ZDHHC13: variants seen among roughly 807,000 people sequenced by gnomAD.
The protein encoded by ZDHHC13 is palmitoyltransferase ZDHHC13.
In ZDHHC13, 85 loss-of-function variants were observed where a neutral mutation model predicts 86.0. The observed-to-expected ratio is 0.99, with a 90% CI of 0.83 to 1.18. The LOEUF (loss-of-function observed/expected upper bound fraction) is 1.18. Ranked by LOEUF, ZDHHC13 falls within the 50% of genes most tolerant of loss-of-function variation. The pLI is 0.00. For synonymous variants in ZDHHC13, 263 were observed against 246.4 expected (o/e 1.07, Z -0.63); for missense variants, 711 against 730.2 (o/e 0.97, Z 0.30).
chr11:19,156,774 A>C (rs992702288), intron 9 of ZDHHC13, among the ~76,000 whole-genome samples: 3 of 152,122 alleles, frequency 2.0e-5, no homozygotes, highest in African/African-American at 7.2e-5. Flanking sequence ...TCCTAGACCA[A>C]GTCTCCTCAC....
intron 15 of ZDHHC13, among the ~76,000 whole-genome samples, 168 bp from the exon 16 acceptor site, chr11:19,172,555 G>T (rs577949633): frequency 6.6e-6 from 1 of 152,184 alleles, no homozygotes; most frequent in South Asian, 2.1e-4. Flanking sequence ...CATGTTTTTG[G>T]AATTAAATGT....
chr11:19,172,334 G>A (rs1850246272), intron 15 of ZDHHC13, among the ~76,000 whole-genome samples: 2 of 152,152 alleles, frequency 1.3e-5, no homozygotes, highest in Admixed American at 1.3e-4. Context: ...GCCTGCCAAA[G>A]TGCTGGGATT....
intron 3 of ZDHHC13, among the ~76,000 whole-genome samples, chr11:19,146,865 T>TA (rs1242007630): frequency 1.3e-5 from 2 of 152,178 alleles, no homozygotes; most frequent in African/African-American, 4.8e-5. Flanking sequence ...ATTAGATATT[T>TA]AAAATCCTCA....
At chr11:19,125,424 A>T (rs1848852319) in intron 1 of ZDHHC13, among the ~76,000 whole-genome samples, 1 of 152,210 alleles carries the variant, frequency 6.6e-6, no homozygotes, top group South Asian at 2.1e-4. Flanking sequence ...GACCATGATG[A>T]GATGCCCCTA....
intron 1 of ZDHHC13, among the ~76,000 whole-genome samples, chr11:19,139,270 A>G (rs1181623207): frequency 6.6e-6 from 1 of 152,148 alleles, no homozygotes; most frequent in Non-Finnish European, 1.5e-5. Context: ...TACACCAACA[A>G]CAGACAAACA....
chr11:19,135,011 A>C (rs1849095687), intron 1 of ZDHHC13, among the ~76,000 whole-genome samples: 1 of 152,186 alleles, frequency 6.6e-6, no homozygotes, highest in South Asian at 2.1e-4. Context: ...CAGCGTGGGC[A>C]ACAGAGGAAG....
intron 1 of ZDHHC13, among the ~76,000 whole-genome samples, chr11:19,141,065 A>G (rs927561879): frequency 3.5e-4 from 53 of 151,782 alleles, no homozygotes; most frequent in African/African-American, 1.2e-3. Context: ...TTAAAGTAGT[A>G]TAATAATAAA....
At chr11:19,156,839 A>G (rs563545028) in intron 9 of ZDHHC13, among the ~76,000 whole-genome samples, 1 of 152,240 alleles carries the variant, frequency 6.6e-6, no homozygotes, top group South Asian at 2.1e-4. Flanking sequence ...CAATCAAGGG[A>G]GTCTTTTAAA....
chr11:19,151,989 T>C (rs1849620227), intron 6 of ZDHHC13, among the ~76,000 whole-genome samples, 169 bp from the exon 7 acceptor site: 1 of 152,130 alleles, frequency 6.6e-6, no homozygotes, highest in Non-Finnish European at 1.5e-5. Flanking sequence ...TTTTTTTTAA[T>C]CTCCTATTAG....
chr11:19,135,559 G>C (rs1171813338), intron 1 of ZDHHC13, among the ~76,000 whole-genome samples: 1 of 152,240 alleles, frequency 6.6e-6, no homozygotes, highest in Non-Finnish European at 1.5e-5. Context: ...CTCGAACTGG[G>C]TGGAGCCCAC....
chr11:19,135,860 G>T (rs1849124026), intron 1 of ZDHHC13, among the ~76,000 whole-genome samples: 1 of 152,146 alleles, frequency 6.6e-6, no homozygotes. Context: ...GCAGCTGAGG[G>T]TCCTGTCTGT....
At chr11:19,147,748 A>G in intron 4 of ZDHHC13, 75 bp downstream of exon 4, 1 of 1,007,658 alleles carries the variant, frequency 9.9e-7, no homozygotes, top group Non-Finnish European at 1.4e-6. Context: ...TCAGTTATAG[A>G]CGATTTGAAA....
At chr11:19,122,253 A>G (rs1316792740) in intron 1 of ZDHHC13, among the ~76,000 whole-genome samples, 1 of 152,198 alleles carries the variant, frequency 6.6e-6, no homozygotes, top group East Asian at 1.9e-4. Flanking sequence ...TGAATTAAAG[A>G]TGGTGGTTAT....
At chr11:19,141,048 TAAAACTTTA>T (rs1310495168) in intron 1 of ZDHHC13, among the ~76,000 whole-genome samples, 1 of 150,576 alleles carries the variant, frequency 6.6e-6, no homozygotes, top group African/African-American at 2.4e-5. Context: ...ACATGTACCC[TAAAACTTTA>T]AAGTAGTATA....
At chr11:19,153,245 C>G (rs1211511416) in intron 8 of ZDHHC13, among the ~76,000 whole-genome samples, 1 of 152,074 alleles carries the variant, frequency 6.6e-6, no homozygotes, top group East Asian at 1.9e-4. Flanking sequence ...TGGTGTTCCT[C>G]TAAACTTTAA....
At chr11:19,164,507 C>A in intron 12 of ZDHHC13, 144 bp downstream of exon 12, 1 of 751,784 alleles carries the variant, frequency 1.3e-6, no homozygotes, top group Non-Finnish European at 2.2e-6. Flanking sequence ...GTCTGAACAG[C>A]TTTCTGTCTT....
intron 16 of ZDHHC13, 116 bp from the exon 17 acceptor site, chr11:19,175,700 TCTACCC>T: frequency 1.7e-5 from 19 of 1,150,526 alleles, no homozygotes; most frequent in Non-Finnish European, 2.3e-5. Flanking sequence ...ATCTACCCCA[TCTACCC>T]CTGGATTTCT....
chr11:19,168,740 T>A, intron 14 of ZDHHC13: 1 of 934,752 alleles, frequency 1.1e-6, no homozygotes, highest in South Asian at 4.9e-5. Flanking sequence ...GCTGTATTAC[T>A]AGAGCCCTGC....
At chr11:19,166,473 T>C (rs1164825570) in intron 14 of ZDHHC13, 88 bp downstream of exon 14, 1 of 1,067,468 alleles carries the variant, frequency 9.4e-7, no homozygotes, top group Non-Finnish European at 1.4e-6. Flanking sequence ...ACATTCTGGC[T>C]GGGTGACTAT....
Sources: allele counts gnomAD v4.1 joint callset (sites outside exome capture counted in the v4.1 genomes callset), GRCh38; gene constraint gnomAD v4.1.1; transcripts MANE v1.5; gene names NCBI Gene and HGNC (gene_info 2026-07-23, HGNC 2026-07-21).